Variants in EBAG9 observed in about 807,000 individuals in gnomAD.
The protein encoded by EBAG9 is estrogen receptor binding site associated antigen 9, also known as receptor-binding cancer antigen expressed on SiSo cells.
EBAG9 carries 16 observed loss-of-function variants against 30.9 expected under a neutral mutation model. That is an observed-to-expected ratio of 0.52 (90% confidence interval 0.35 to 0.79). EBAG9 has a LOEUF of 0.79. EBAG9 is among the 30% of genes least tolerant of loss of function. EBAG9 has a pLI of 0.01. For missense variants in EBAG9, 197 were observed against 242.1 expected (o/e 0.81, Z 1.24); for synonymous variants, 93 against 82.8 (o/e 1.12, Z -0.67).
chr8:109,564,167 A>G (rs1423990878), intron 6 of EBAG9, among the ~76,000 whole-genome samples: 2 of 152,084 alleles, frequency 1.3e-5, no homozygotes, highest in African/African-American at 2.4e-5. Flanking sequence ...ACTTAATCCT[A>G]TGACTTCGGG....
chr8:109,556,902 A>T, intron 4 of EBAG9, 33 bp from the exon 5 acceptor site: 3 of 1,222,896 alleles, frequency 2.5e-6, no homozygotes, highest in Non-Finnish European at 3.4e-6. Context: ...TTTGTAAAAG[A>T]TCCCTATAAT....
chr8:109,555,252 C>G (rs1156504411), intron 4 of EBAG9, among the ~76,000 whole-genome samples: 1 of 151,792 alleles, frequency 6.6e-6, no homozygotes, highest in Non-Finnish European at 1.5e-5. Flanking sequence ...TTTGTCCTTG[C>G]GATAGTTTGC....
chr8:109,546,071 T>C (rs1821378361), intron 1 of EBAG9, among the ~76,000 whole-genome samples: 1 of 152,248 alleles, frequency 6.6e-6, no homozygotes, highest in Non-Finnish European at 1.5e-5. Flanking sequence ...TTTCTGTTTT[T>C]AGAGAAGTTC....
chr8:109,552,344 G>A (rs1821511417), intron 2 of EBAG9, among the ~76,000 whole-genome samples: 1 of 151,986 alleles, frequency 6.6e-6, no homozygotes, highest in Non-Finnish European at 1.5e-5. Flanking sequence ...GGGCAGAAGT[G>A]AAGAAAGAAA....
chr8:109,563,812 T>C (rs1295367499), intron 6 of EBAG9, among the ~76,000 whole-genome samples: 1 of 152,084 alleles, frequency 6.6e-6, no homozygotes, highest in African/African-American at 2.4e-5. Flanking sequence ...TTCTCATCAT[T>C]TAGCGCCCAC....
At chr8:109,556,803 C>A in intron 4 of EBAG9, 132 bp from the exon 5 acceptor site, 1 of 435,644 alleles carries the variant, frequency 2.3e-6, no homozygotes, top group Non-Finnish European at 3.9e-6. Context: ...TATTTACAGA[C>A]TTTTTTTTTA....
intron 6 of EBAG9, among the ~76,000 whole-genome samples, chr8:109,561,434 T>G (rs1821709068): frequency 6.6e-6 from 1 of 151,904 alleles, no homozygotes; most frequent in Admixed American, 6.6e-5. Context: ...GAACTACCCA[T>G]TCTGCAAAAA....
At chr8:109,544,507 G>A (rs1428013036) in intron 1 of EBAG9, among the ~76,000 whole-genome samples, 1 of 152,178 alleles carries the variant, frequency 6.6e-6, no homozygotes, top group Non-Finnish European at 1.5e-5. Context: ...GTGTATCTTA[G>A]TTTCCTCATT....
At chr8:109,542,093 A>G (rs1362638873) in intron 1 of EBAG9, among the ~76,000 whole-genome samples, 1 of 152,184 alleles carries the variant, frequency 6.6e-6, no homozygotes, top group Non-Finnish European at 1.5e-5. Flanking sequence ...AATAGTATCT[A>G]TGTCATAAGA....
chr8:109,563,438 A>G (rs778956803), intron 6 of EBAG9: 27 of 1,597,680 alleles, frequency 1.7e-5, no homozygotes, highest in Non-Finnish European at 2.5e-6. Context: ...CTCCTGTTTC[A>G]TCATCCCACT....
At chr8:109,543,723 C>A (rs914251679) in intron 1 of EBAG9, among the ~76,000 whole-genome samples, 4 of 151,964 alleles carry the variant, frequency 2.6e-5, no homozygotes, top group African/African-American at 9.7e-5. Context: ...CTTGAATCCC[C>A]ATGAAATGCA....
At chr8:109,554,940 G>T in intron 4 of EBAG9, 53 bp downstream of exon 4, 8 of 1,480,988 alleles carry the variant, frequency 5.4e-6, no homozygotes, top group Non-Finnish European at 7.4e-6. Flanking sequence ...GATTCCTATA[G>T]TTAAAATTAG....
chr8:109,563,701 C>A (rs915104577), intron 6 of EBAG9, among the ~76,000 whole-genome samples: 1 of 151,676 alleles, frequency 6.6e-6, no homozygotes, highest in African/African-American at 2.4e-5. Flanking sequence ...GGTATTAAAC[C>A]TAGTATCCAT....
At chr8:109,544,260 G>A (rs1322182604) in intron 1 of EBAG9, among the ~76,000 whole-genome samples, 3 of 152,166 alleles carry the variant, frequency 2.0e-5, no homozygotes, top group African/African-American at 7.2e-5. Context: ...AAGTAAGTAT[G>A]TGTAGAACTG....
intron 1 of EBAG9, among the ~76,000 whole-genome samples, chr8:109,547,483 T>TC (rs1207645814): frequency 1.3e-5 from 2 of 150,864 alleles, no homozygotes; most frequent in African/African-American, 2.5e-5. Flanking sequence ...TTGTATATGT[T>TC]CTTTTTTTTT....
chr8:109,562,425 A>G (rs539226832), intron 6 of EBAG9, among the ~76,000 whole-genome samples: 1 of 152,252 alleles, frequency 6.6e-6, no homozygotes, highest in South Asian at 2.1e-4. Context: ...CCGCAAGTAC[A>G]TAGGTAGAGC....
upstream of EBAG9, chr8:109,539,757 T>G: frequency 6.6e-6 from 1 of 152,234 alleles, no homozygotes; most frequent in East Asian, 1.9e-4. Flanking sequence ...CGCAGGCTGC[T>G]ACGGAGCGCG....
intron 2 of EBAG9, among the ~76,000 whole-genome samples, chr8:109,552,030 T>C (rs1791795357): frequency 6.6e-6 from 1 of 152,076 alleles, no homozygotes; most frequent in African/African-American, 2.4e-5. Flanking sequence ...ACTTACATAC[T>C]AAGAGGAGGG....
At chr8:109,558,395 A>G (rs1821645641) in intron 5 of EBAG9, among the ~76,000 whole-genome samples, 1 of 152,186 alleles carries the variant, frequency 6.6e-6, no homozygotes, top group Admixed American at 6.5e-5. Context: ...ATGAACACAT[A>G]ACACCATAAA....
Sources: gnomAD v4.1 joint callset for allele counts (sites outside exome capture counted in the v4.1 genomes callset) on GRCh38, gnomAD v4.1.1 for gene constraint, MANE v1.5 for transcripts, NCBI Gene and HGNC (gene_info 2026-07-23, HGNC 2026-07-21) for gene names.